Variants in FABP1 observed in about 807,000 individuals in gnomAD.
FABP1 encodes the protein fatty acid-binding protein, liver.
In FABP1, 13 loss-of-function variants were observed where a neutral mutation model predicts 13.7. That is an observed-to-expected ratio of 0.95 (90% CI 0.62 to 1.51). The LOEUF (loss-of-function observed/expected upper bound fraction) is 1.51. Among genes scored for constraint, FABP1 ranks in the 40% most tolerant of loss-of-function variants. FABP1 has a pLI of 0.00. For synonymous variants in FABP1, 48 were observed against 59.8 expected, an observed-to-expected ratio of 0.80 and a Z score of 0.91; for missense variants, 140 against 155.7, an observed-to-expected ratio of 0.90 and a Z score of 0.54.
intron 2 of FABP1, 124 bp from the exon 3 acceptor site, chr2:88,124,710 T>C (rs971189321): frequency 1.6e-6 from 1 of 637,556 alleles, no homozygotes; most frequent in Non-Finnish European, 2.7e-6. Context: ...GTTCCTATGA[T>C]CCCAAGCCTC....
At chr2:88,126,487 G>A (rs1268723623) in intron 1 of FABP1, 139 bp from the exon 2 acceptor site, 3 of 834,882 alleles carry the variant, frequency 3.6e-6, no homozygotes, top group Non-Finnish European at 5.8e-6. Context: ...AAACTCACTG[G>A]GGGCTTGTCA....
At chr2:88,125,748 C>A (rs559522006) in intron 2 of FABP1, among the ~76,000 whole-genome samples, 3 of 152,342 alleles carry the variant, frequency 2.0e-5, no homozygotes, top group African/African-American at 7.2e-5. Context: ...AAGTCTCTCC[C>A]TATCACCACC....
intron 1 of FABP1, chr2:88,126,550 G>C: frequency 1.9e-6 from 1 of 519,940 alleles, no homozygotes; most frequent in African/African-American, 1.9e-5. Context: ...GGCCTGGCCT[G>C]CTGCTATCTT....
chr2:88,126,368 G>A lies in FABP1; in HGVS notation c.68-20C>T, dbSNP rs1675297283. The A allele has an allele frequency of 1.2e-6, 2 of 1,609,234 alleles. No individual in the cohort carries two copies. Among genetic ancestry groups the A allele is most frequent in the African/African-American group, 2.7e-5 (2 of 74,846 alleles). On this transcript the variant is annotated intron_variant, in intron 1 of 3. Coordinates refer to ENST00000295834, the MANE Select transcript of FABP1 (RefSeq NM_001443.3). ...GCAGACCTGGTGGAAACCGTCTGAG[G>A]TTTAGATATGGGCAGAGGTGGGAGT...
Position 88,127,237 on chromosome 2 carries a change from C to A in FABP1, c.67+714G>T, listed in dbSNP as rs186138702. Among the ~76,000 whole-genome samples, 5 of 152,260 alleles carry A rather than the reference C, an allele frequency of 3.3e-5. No homozygotes were observed. The East Asian group carries it at 7.7e-4, about 24-fold the overall frequency. ...TTCTCTTTACCTCCACTGAGCCATC[C>A]CCCCATGCTCTCTGTGAGCCACATC... On this transcript the variant is annotated intron_variant, in intron 1 of 3. Coordinates refer to ENST00000295834, the MANE Select transcript of FABP1 (RefSeq NM_001443.3).
At position 88,126,464 on chromosome 2, in the gene FABP1, C is replaced by A. The variant is rs112956978; in HGVS notation, c.68-116G>T. The A allele has an allele frequency of 6.3e-3, 6,624 of 1,053,218 alleles. 232 individuals are homozygous for A. The African/African-American group carries it at 0.079, about 12-fold the overall frequency. The allele number at this position is 1,053,218 out of a possible 1,614,324, so 65.2% of individuals were successfully genotyped here. On this transcript the variant is annotated intron_variant, in intron 1 of 3. Transcript: ENST00000295834. ...GGACAGAGAAGGGCACTGTGTCTCC[C>A]AAGGGGCCACAGAAACTCACTGGGG...
rs181501886 is a variant in FABP1, at chr2:88,124,237, C to T, written c.333+257G>A. On this transcript the variant is annotated intron_variant, in intron 3 of 3. Coordinates refer to ENST00000295834, the MANE Select transcript of FABP1 (RefSeq NM_001443.3). ...ATGGGCAAAGGCATTTATGAAGCAC[C>T]CTGGGCATGCAGGGCAGGTGGAGGC... The T allele has an allele frequency of 2.6e-4, 115 of 442,354 alleles. No individual in the cohort carries two copies. The East Asian group carries it at 3.9e-3, about 15-fold the overall frequency. 27.4% of individuals were successfully genotyped at this position (442,354 alleles called of 1,614,324 possible).
intron 2 of FABP1, 84 bp from the exon 3 acceptor site, chr2:88,124,670 G>C: frequency 2.1e-6 from 2 of 968,574 alleles, no homozygotes; most frequent in Non-Finnish European, 3.2e-6. Flanking sequence ...CTTTGCACAG[G>C]TCTCAGCTCA....
chr2:88,125,898 G>T (rs1675287122), intron 2 of FABP1: 1 of 301,694 alleles, frequency 3.3e-6, no homozygotes, highest in African/African-American at 2.1e-5. Context: ...CTGAGACTTA[G>T]AATCCTGCTG....
rs748442447 is a variant in FABP1, at chr2:88,128,005, C to T, written c.13G>A (p.Gly5Ser). The change falls in exon 1 of 4, where the codon GGC (glycine) becomes AGC (serine). Residue 5 changes from glycine to serine, a missense_variant. Gly to Ser is a moderately conservative substitution (Grantham distance 56, BLOSUM62 0). Coordinates refer to ENST00000295834, the MANE Select transcript of FABP1 (RefSeq NM_001443.3). ...TCCTGGCTCTGCAGTTGGTACTTGC[C>T]GGAGAAACTCATGGTGGCAATAGAG... is the stretch of plus-strand genomic sequence containing the variant. MSFS[G>S]KYQLQSQENF... 8.1e-6 allele frequency: 13 copies of T among 1,614,180 alleles called. No individual in the cohort carries two copies. Among genetic ancestry groups the T allele is most frequent in the South Asian group, 3.3e-5 (3 of 91,080 alleles).
chr2:88,123,199 A>C, intron 3 of FABP1, 95 bp from the exon 4 acceptor site: 1 of 969,964 alleles, frequency 1.0e-6, no homozygotes, highest in Non-Finnish European at 1.6e-6. Flanking sequence ...CTTAAAAAAC[A>C]GCACCAAATA....
intron 3 of FABP1, 36 bp downstream of exon 3, chr2:88,124,458 A>G: frequency 6.5e-7 from 1 of 1,528,738 alleles, no homozygotes; most frequent in Non-Finnish European, 9.0e-7. Flanking sequence ...CCCCTCAAGC[A>G]CTGGGAGCCA....
In FABP1 at chr2:88,127,951, C is replaced by T. The variant is rs1242454555; in HGVS notation, c.67G>A (p.Gly23Ser). 2.5e-6 allele frequency: 4 copies of T among 1,614,126 alleles called. No homozygotes were observed. Among genetic ancestry groups the T allele is most frequent in the East Asian group, 2.2e-5 (1 of 44,880 alleles). ...ENFEAFMKAI[G>S]LPEELIQKGK... ...CTTTGCCTTTCAGTCCAGCACTCAC[C>T]GATTGCCTTCATGAAGGCTTCAAAG... is the stretch of plus-strand genomic sequence containing the variant. Residue 23 changes from glycine to serine, a missense_variant and splice_region_variant, in exon 1 of 4, where the codon GGT becomes AGT. Transcript: ENST00000295834.
intron 3 of FABP1, chr2:88,124,290 A>G: frequency 2.0e-6 from 1 of 504,366 alleles, no homozygotes; most frequent in Non-Finnish European, 3.4e-6. Flanking sequence ...TGCGCTGAGC[A>G]GAAAGGATTA....
In FABP1 at chr2:88,123,052, G is replaced by C. The variant is rs138027807; in HGVS notation, c.*2C>G. The C allele has an allele frequency of 4.9e-4, 783 of 1,607,038 alleles. 4 individuals are homozygous for C. In the African/African-American group the frequency reaches 8.7e-3, roughly 18 times the overall value. ...CTAAAATAATATGAAATGCAGACTT[G>C]TTTAAATTCTCTTGCTGATTCTCTT... On this transcript the variant is annotated 3_prime_UTR_variant, in exon 4 of 4. Coordinates refer to ENST00000295834, the MANE Select transcript of FABP1 (RefSeq NM_001443.3).
chr2:88,124,048 CA>C (rs1675251017), intron 3 of FABP1: 1 of 156,576 alleles, frequency 6.4e-6, no homozygotes, highest in Admixed American at 6.5e-5. Flanking sequence ...AAAGAAGAGT[CA>C]GGGGGACATA....
Position 88,126,241 on chromosome 2 carries a change from T to C in FABP1, c.175A>G (p.Ile59Val). ...TCCCCCACCGTGAATTCGTTTTGGATCACTTTGGACCCAGCGGTGATGGTG... is the reference window on the plus strand; with the variant it reads ...TCCCCCACCGTGAATTCGTTTTGGACCACTTTGGACCCAGCGGTGATGGTG... ...KFTITAGSKV[I>V]QNEFTVGEEC... Residue 59 changes from isoleucine to valine, a missense_variant, in exon 2 of 4, where the codon ATC (isoleucine) becomes GTC (valine). Transcript: ENST00000295834. The C allele has an allele frequency of 2.5e-6, 4 of 1,613,182 alleles. No individual in the cohort carries two copies. Among genetic ancestry groups the C allele is most frequent in the Non-Finnish European group, 3.4e-6 (4 of 1,179,316 alleles).
chr2:88,124,625 G>T, intron 2 of FABP1, 39 bp from the exon 3 acceptor site: 1 of 1,489,110 alleles, frequency 6.7e-7, no homozygotes, highest in South Asian at 1.2e-5. Context: ...GGAAGGGGTG[G>T]TGGGGGGCAA....
intron 2 of FABP1, 64 bp from the exon 3 acceptor site, chr2:88,124,650 A>T (rs1190684168): frequency 8.0e-7 from 1 of 1,254,336 alleles, no homozygotes; most frequent in East Asian, 2.4e-5. Flanking sequence ...CTTGCTAATG[A>T]AGTTGCTTCC....
Sources: allele counts gnomAD v4.1 joint callset (sites outside exome capture counted in the v4.1 genomes callset), GRCh38; gene constraint gnomAD v4.1.1; transcripts MANE v1.5; gene names NCBI Gene and HGNC (gene_info 2026-07-23, HGNC 2026-07-21).